Variants in WDPCP observed in about 807,000 individuals in gnomAD.
WDPCP encodes WD repeat-containing and planar cell polarity effector protein fritz homolog.
WDPCP carries 71 observed loss-of-function variants against 93.1 expected under a neutral mutation model. That is an observed-to-expected ratio of 0.76 (90% CI 0.63 to 0.93). WDPCP has a LOEUF of 0.93. WDPCP is among the 40% of genes least tolerant of loss of function. The pLI is 0.00. For synonymous variants in WDPCP, 315 were observed against 315.0 expected, an observed-to-expected ratio of 1.00 and a Z score of 0.00; for missense variants, 844 against 887.4, an observed-to-expected ratio of 0.95 and a Z score of 0.62.
chr2:63,279,513 G>C (rs1683347267), intron 13 of WDPCP, among the ~76,000 whole-genome samples: 1 of 152,082 alleles, frequency 6.6e-6, no homozygotes, highest in Non-Finnish European at 1.5e-5. Flanking sequence ...ATACTGAATG[G>C]GGAAAAGTTG....
chr2:63,268,673 A>G (rs1682366271), intron 13 of WDPCP, among the ~76,000 whole-genome samples: 1 of 151,704 alleles, frequency 6.6e-6, no homozygotes, highest in African/African-American at 2.4e-5. Context: ...TGTAGAGACA[A>G]GTTTGCCATG....
intron 1 of WDPCP, among the ~76,000 whole-genome samples, chr2:63,561,307 T>C (rs1484876478): frequency 1.3e-5 from 2 of 151,842 alleles, no homozygotes; most frequent in African/African-American, 4.8e-5. Context: ...TGAAACACTG[T>C]CTCTACTAAA....
In WDPCP at chr2:63,640,230, G is replaced by T. The variant is rs368623693; in HGVS notation, n.488+10429C>A. Among the ~76,000 whole-genome samples, 26 of 152,240 alleles carry T rather than the reference G, an allele frequency of 1.7e-4. No homozygotes were observed. In the East Asian group the frequency reaches 3.1e-3, roughly 18 times the overall value. On this transcript the variant is annotated intron_variant and non_coding_transcript_variant, in intron 3 of 4. Transcript: ENST00000467687. ...TCACCGTGTTAGCCAGGATGGTGTC[G>T]ATCTCCTGACCTTGTGATCCTCCCA... is the stretch of plus-strand genomic sequence containing the variant.
At chr2:63,425,670 C>T (rs2421891) in intron 9 of WDPCP, among the ~76,000 whole-genome samples, 70,611 of 151,904 alleles carry the variant, frequency 0.46, 17,047 homozygotes, top group African/African-American at 0.59. Flanking sequence ...GTAAGACAAA[C>T]AATTTTTAAA....
In WDPCP at chr2:63,811,834, C is replaced by T. The variant is rs1320899881; in HGVS notation, n.308+1788G>A. Among the ~76,000 whole-genome samples the T allele has an allele frequency of 5.9e-5, 9 of 152,166 alleles. No homozygotes were observed. The East Asian group carries it at 1.7e-3, about 29-fold the overall frequency. On this transcript the variant is annotated intron_variant and non_coding_transcript_variant, in intron 2 of 4. Coordinates refer to the WDPCP transcript ENST00000467687. The stretch of plus-strand genomic sequence containing the variant: ...GTTCATGTGTACCCACTGTTTAGCT[C>T]CCACTTACAAGTAAGAACATACAGT...
At chr2:63,815,635 C>T (rs890991056) in intron 1 of WDPCP, among the ~76,000 whole-genome samples, 1 of 152,164 alleles carries the variant, frequency 6.6e-6, no homozygotes, top group Non-Finnish European at 1.5e-5. Context: ...CTCCACACCA[C>T]GGACCAGTAG....
intron 9 of WDPCP, among the ~76,000 whole-genome samples, chr2:63,418,381 G>A (rs1695587664): frequency 6.6e-6 from 1 of 152,154 alleles, no homozygotes; most frequent in Admixed American, 6.5e-5. Flanking sequence ...GCACAAAGGA[G>A]AAAGAAGAAT....
chr2:63,381,610 T>C (rs537454274), intron 11 of WDPCP, among the ~76,000 whole-genome samples: 4 of 152,276 alleles, frequency 2.6e-5, no homozygotes, highest in African/African-American at 9.6e-5. Flanking sequence ...GATCAAAGTT[T>C]GAAATCTGAG....
chr2:63,162,263 C>T (rs925344056), intron 15 of WDPCP, among the ~76,000 whole-genome samples: 3 of 151,914 alleles, frequency 2.0e-5, no homozygotes, highest in Non-Finnish European at 4.4e-5. Flanking sequence ...GACTTAATCA[C>T]TTTTCTGAGG....
At chr2:63,733,898 G>A (rs2103832456) in intron 2 of WDPCP, among the ~76,000 whole-genome samples, 1 of 152,084 alleles carries the variant, frequency 6.6e-6, no homozygotes, top group South Asian at 2.1e-4. Context: ...AAACCCATAA[G>A]TAGCCCCTCA....
chr2:63,782,622 T>C (rs1346116400), intron 2 of WDPCP, among the ~76,000 whole-genome samples: 1 of 152,194 alleles, frequency 6.6e-6, no homozygotes, highest in Admixed American at 6.5e-5. Flanking sequence ...GATATTGTCT[T>C]ATACCAGTCA....
chr2:63,822,575 A>G (rs1671039060), intron 1 of WDPCP, among the ~76,000 whole-genome samples: 1 of 152,176 alleles, frequency 6.6e-6, no homozygotes, highest in Non-Finnish European at 1.5e-5. Flanking sequence ...AGATCTCAAA[A>G]TATGAGTGAC....
At chr2:63,795,799 T>C (rs1267886162) in intron 2 of WDPCP, among the ~76,000 whole-genome samples, 1 of 152,164 alleles carries the variant, frequency 6.6e-6, no homozygotes, top group Non-Finnish European at 1.5e-5. Context: ...GGATAGTATG[T>C]GTGGCATGAA....
intron 3 of WDPCP, chr2:63,622,668 A>T (rs1709757761): frequency 3.1e-6 from 5 of 1,613,786 alleles, no homozygotes; most frequent in Non-Finnish European, 4.2e-6. Context: ...CTTGGTCAGG[A>T]GTCGCCGGGA....
chr2:63,392,829 A>G (rs187901503), intron 10 of WDPCP, among the ~76,000 whole-genome samples: 1 of 152,228 alleles, frequency 6.6e-6, no homozygotes, highest in Non-Finnish European at 1.5e-5. Flanking sequence ...AATCAAAACC[A>G]CAATGAGATA....
intron 17 of WDPCP, among the ~76,000 whole-genome samples, chr2:63,146,010 G>A (rs1051779089): frequency 6.6e-6 from 1 of 152,090 alleles, no homozygotes; most frequent in African/African-American, 2.4e-5. Context: ...TCTTGGCTTG[G>A]CTATTGTTGG....
At chr2:63,233,364 G>GTC in intron 14 of WDPCP, 1 of 258,432 alleles carries the variant, frequency 3.9e-6, no homozygotes, top group Non-Finnish European at 7.6e-6. Context: ...AGCAAAAGAT[G>GTC]GAACCATAAA....
chr2:63,515,451 G>T (rs1702489866), intron 1 of WDPCP, among the ~76,000 whole-genome samples: 1 of 152,154 alleles, frequency 6.6e-6, no homozygotes, highest in African/African-American at 2.4e-5. Flanking sequence ...AAGGTTGAAT[G>T]CTGTTACAAA....
chr2:63,209,560 C>T (rs1279541310), intron 14 of WDPCP, among the ~76,000 whole-genome samples: 1 of 152,190 alleles, frequency 6.6e-6, no homozygotes, highest in Non-Finnish European at 1.5e-5. Context: ...TTATCCCTGT[C>T]CACTTATGTT....
Sources: gnomAD v4.1 joint callset for allele counts (sites outside exome capture counted in the v4.1 genomes callset) on GRCh38, gnomAD v4.1.1 for gene constraint, MANE v1.5 for transcripts, NCBI Gene and HGNC (gene_info 2026-07-23, HGNC 2026-07-21) for gene names.